NDUFS4: variants seen among roughly 807,000 people sequenced by gnomAD.
The protein encoded by NDUFS4 is NADH:ubiquinone oxidoreductase subunit S4.
NDUFS4 carries 28 observed loss-of-function variants against 24.3 expected under a neutral mutation model. The observed-to-expected ratio is 1.15, with a 90% confidence interval of 0.85 to 1.58. NDUFS4 has a LOEUF of 1.58. Ranked by LOEUF, NDUFS4 falls within the 40% of genes most tolerant of loss-of-function variation. The pLI, the probability that NDUFS4 is intolerant of heterozygous loss-of-function variation, is 0.00. For synonymous variants in NDUFS4, 93 were observed against 69.7 expected, an observed-to-expected ratio of 1.34 and a Z score of -1.67; for missense variants, 223 against 207.9, an observed-to-expected ratio of 1.07 and a Z score of -0.45.
chr5:53,593,644 A>T (rs1261778950), intron 1 of NDUFS4, among the ~76,000 whole-genome samples: 1 of 148,386 alleles, frequency 6.7e-6, no homozygotes, highest in Non-Finnish European at 1.5e-5. Flanking sequence ...TAGATTATTG[A>T]ATTTAGTTAG....
chr5:53,646,097 G>A lies in NDUFS4; in HGVS notation c.178-136G>A, dbSNP rs1751853878. The A allele has an allele frequency of 1.6e-5, 12 of 747,080 alleles. No individual in the cohort carries two copies. In the Admixed American group the frequency reaches 2.5e-4, roughly 15 times the overall value. 46.3% of individuals were successfully genotyped at this position (747,080 alleles called of 1,614,324 possible). A position where few individuals can be genotyped will look rare whatever the true frequency, so the allele number is the denominator to read the frequency against. ...TACATTGTAAAGTATCAGAATGGTAGTGAAATAAGCCAGAAAATTTATCTC... is the reference window on the plus strand; with the variant it reads ...TACATTGTAAAGTATCAGAATGGTAATGAAATAAGCCAGAAAATTTATCTC... On this transcript the variant is annotated intron_variant, in intron 2 of 4. Coordinates refer to ENST00000296684, the MANE Select transcript of NDUFS4 (RefSeq NM_002495.4).
intron 1 of NDUFS4, among the ~76,000 whole-genome samples, chr5:53,590,148 G>A (rs1277340966): frequency 6.6e-6 from 1 of 152,164 alleles, no homozygotes; most frequent in Non-Finnish European, 1.5e-5. Flanking sequence ...TAGCTTTGAA[G>A]TAATCCTGTT....
rs528166935 is a variant in NDUFS4, at chr5:53,659,079, GTAAAATTTCCCTTCAGTC to G, written c.424+460_424+477del. Among the ~76,000 whole-genome samples, 467 of 152,124 alleles carry G rather than the reference GTAAAATTTCCCTTCAGTC, an allele frequency of 3.1e-3. 2 individuals carry two copies. Among genetic ancestry groups the G allele is most frequent in the African/African-American group, 1.0e-2 (415 of 41,516 alleles). The stretch of plus-strand genomic sequence containing the variant: ...ATTTGAAAATATTGTCTTATTGCCT[GTAAAATTTCCCTTCAGTC>G]TAAATGCCCACATTTGCTACTTTTC... On this transcript the variant is annotated intron_variant, in intron 4 of 4. Coordinates refer to ENST00000296684, the MANE Select transcript of NDUFS4 (RefSeq NM_002495.4).
chr5:53,653,507 T>C (rs920563643), intron 3 of NDUFS4, among the ~76,000 whole-genome samples: 2 of 152,176 alleles, frequency 1.3e-5, no homozygotes, highest in African/African-American at 4.8e-5. Flanking sequence ...TCTGTCTACT[T>C]TTCATCTCAT....
intron 1 of NDUFS4, among the ~76,000 whole-genome samples, chr5:53,589,174 A>G (rs1440411043): frequency 6.6e-6 from 1 of 152,098 alleles, no homozygotes. Flanking sequence ...AAAATAGTAA[A>G]CTCTCAAGCT....
chr5:53,670,411 A>G (rs1158865770), intron 4 of NDUFS4, among the ~76,000 whole-genome samples: 2 of 151,916 alleles, frequency 1.3e-5, no homozygotes, highest in African/African-American at 2.4e-5. Flanking sequence ...TAAAATGCAC[A>G]CTGAATTTCA....
chr5:53,606,146 T>C (rs1381324331), intron 2 of NDUFS4, among the ~76,000 whole-genome samples: 1 of 152,010 alleles, frequency 6.6e-6, no homozygotes, highest in Non-Finnish European at 1.5e-5. Context: ...ATGGCGCCAC[T>C]GCACTCCAGC....
intron 1 of NDUFS4, among the ~76,000 whole-genome samples, chr5:53,599,885 T>C (rs956113677): frequency 1.3e-5 from 2 of 152,132 alleles, no homozygotes; most frequent in African/African-American, 4.8e-5. Flanking sequence ...ATTTCACTGA[T>C]GTGACATTCC....
chr5:53,600,190 G>T (rs1329678602), intron 1 of NDUFS4, among the ~76,000 whole-genome samples: 1 of 151,888 alleles, frequency 6.6e-6, no homozygotes, highest in Non-Finnish European at 1.5e-5. Flanking sequence ...GTGGAGACTG[G>T]GTTTCTCCAC....
At chr5:53,629,366 G>T (rs1267706004) in intron 2 of NDUFS4, among the ~76,000 whole-genome samples, 1 of 152,166 alleles carries the variant, frequency 6.6e-6, no homozygotes, top group African/African-American at 2.4e-5. Flanking sequence ...TTGATTTGGG[G>T]TGGGGAGTTC....
At chr5:53,595,709 G>T (rs116487353) in intron 1 of NDUFS4, among the ~76,000 whole-genome samples, 376 of 152,196 alleles carry the variant, frequency 2.5e-3, no homozygotes, top group African/African-American at 8.9e-3. Flanking sequence ...TTCAGAGTCT[G>T]TTACGTGAAC....
chr5:53,587,823 C>T (rs1749812110), intron 1 of NDUFS4, among the ~76,000 whole-genome samples: 1 of 152,152 alleles, frequency 6.6e-6, no homozygotes, highest in African/African-American at 2.4e-5. Flanking sequence ...AAGGGATCCA[C>T]CGGCCTCAGT....
chr5:53,629,246 G>A (rs1178581210), intron 2 of NDUFS4, among the ~76,000 whole-genome samples: 1 of 152,180 alleles, frequency 6.6e-6, no homozygotes, highest in Non-Finnish European at 1.5e-5. Flanking sequence ...CTGAGAGACA[G>A]TTTCTTGTGA....
intron 2 of NDUFS4, among the ~76,000 whole-genome samples, chr5:53,642,194 G>A (rs912539154): frequency 2.0e-5 from 3 of 152,098 alleles, no homozygotes; most frequent in African/African-American, 7.2e-5. Flanking sequence ...TGGCATTTTT[G>A]TGGTTTAATA....
intron 3 of NDUFS4, among the ~76,000 whole-genome samples, chr5:53,657,169 A>G (rs887155032): frequency 6.6e-6 from 1 of 152,194 alleles, no homozygotes; most frequent in Admixed American, 6.5e-5. Context: ...AACACTTATC[A>G]GATTACTGCA....
chr5:53,573,087 T>C (rs1439378845), intron 1 of NDUFS4, among the ~76,000 whole-genome samples: 3 of 147,698 alleles, frequency 2.0e-5, no homozygotes, highest in African/African-American at 7.4e-5. Flanking sequence ...CTTTCCCACC[T>C]CAGCCTCCTG....
chr5:53,599,229 CA>C (rs1189699119), intron 1 of NDUFS4, among the ~76,000 whole-genome samples: 1 of 151,968 alleles, frequency 6.6e-6, no homozygotes, highest in Non-Finnish European at 1.5e-5. Context: ...CTGCTATAAA[CA>C]TTGGTGTACA....
chr5:53,652,938 CTT>C (rs576656800), intron 3 of NDUFS4, among the ~76,000 whole-genome samples: 8 of 144,668 alleles, frequency 5.5e-5, no homozygotes, highest in Non-Finnish European at 6.1e-5. Flanking sequence ...TTATTAATCT[CTT>C]TTTTTTTTTT....
intron 3 of NDUFS4, 112 bp from the exon 4 acceptor site, chr5:53,658,439 C>A: frequency 1.4e-6 from 1 of 704,708 alleles, no homozygotes; most frequent in South Asian, 1.8e-5. Flanking sequence ...ATAAAATATT[C>A]CATCAATAAT....
Sources: allele counts gnomAD v4.1 joint callset (sites outside exome capture counted in the v4.1 genomes callset), GRCh38; gene constraint gnomAD v4.1.1; transcripts MANE v1.5; gene names NCBI Gene and HGNC (gene_info 2026-07-23, HGNC 2026-07-21).